CDH18: variants seen among roughly 807,000 people sequenced by gnomAD.
CDH18 encodes the protein cadherin-18.
In CDH18, 31 loss-of-function variants were observed where a neutral mutation model predicts 67.9. The observed-to-expected ratio is 0.46, with a 90% CI of 0.34 to 0.62. CDH18 has a LOEUF of 0.62. Ranked by LOEUF, CDH18 falls within the 20% of genes least tolerant of loss-of-function variation. CDH18 has a pLI of 0.01. For synonymous variants in CDH18, 362 were observed against 347.2 expected, an observed-to-expected ratio of 1.04 and a Z score of -0.48; for missense variants, 890 against 975.5, an observed-to-expected ratio of 0.91 and a Z score of 1.17.
chr5:19,474,936 C>T (rs7728177), intron 12 of CDH18, among the ~76,000 whole-genome samples: 2 of 151,934 alleles, frequency 1.3e-5, no homozygotes, highest in Non-Finnish European at 2.9e-5. Context: ...GAAATAGTTC[C>T]CTCACATCAA....
At chr5:20,049,679 A>G (rs1561747777) in intron 2 of CDH18, among the ~76,000 whole-genome samples, 2 of 151,816 alleles carry the variant, frequency 1.3e-5, no homozygotes. Context: ...TAATAGTCGT[A>G]ATAATGGATC....
intron 3 of CDH18, among the ~76,000 whole-genome samples, chr5:19,766,390 G>T (rs2149722460): frequency 6.6e-6 from 1 of 151,992 alleles, no homozygotes; most frequent in South Asian, 2.1e-4. Flanking sequence ...TTTCTTCTTA[G>T]AAGTCTCCCA....
At chr5:19,726,005 T>A (rs1766795304) in intron 4 of CDH18, among the ~76,000 whole-genome samples, 1 of 152,294 alleles carries the variant, frequency 6.6e-6, no homozygotes, top group African/African-American at 2.4e-5. Flanking sequence ...GGGCAACCAT[T>A]TCATGGAAAA....
intron 1 of CDH18, among the ~76,000 whole-genome samples, chr5:20,517,899 T>A (rs1203215771): frequency 1.3e-5 from 2 of 152,072 alleles, no homozygotes; most frequent in Admixed American, 1.3e-4. Context: ...TAGAATCAGT[T>A]GAGAGGGAAT....
chr5:20,508,071 T>C (rs1234888962), intron 1 of CDH18, among the ~76,000 whole-genome samples: 1 of 151,920 alleles, frequency 6.6e-6, no homozygotes, highest in Non-Finnish European at 1.5e-5. Context: ...AAATAGTTTC[T>C]AGTGAAATGG....
chr5:19,478,657 TA>T (rs1406462795), intron 12 of CDH18: 1 of 152,154 alleles, frequency 6.6e-6, no homozygotes. Flanking sequence ...TACCTGCTTA[TA>T]TGTAAGCTGT....
chr5:20,245,484 G>A (rs1743304863), intron 2 of CDH18, among the ~76,000 whole-genome samples: 1 of 152,076 alleles, frequency 6.6e-6, no homozygotes, highest in Admixed American at 6.6e-5. Context: ...AAACCTGAGT[G>A]TGAATGCCCA....
intron 2 of CDH18, among the ~76,000 whole-genome samples, chr5:19,853,162 G>C (rs1467783837): frequency 6.6e-6 from 1 of 152,076 alleles, no homozygotes. Flanking sequence ...GAGACTAAAA[G>C]TCCCATATCA....
chr5:20,003,037 G>C (rs1219725294), intron 2 of CDH18, among the ~76,000 whole-genome samples: 1 of 151,300 alleles, frequency 6.6e-6, no homozygotes. Flanking sequence ...AATTAATTAC[G>C]ATGTGAACCT....
intron 6 of CDH18, among the ~76,000 whole-genome samples, chr5:19,591,504 T>G (rs1463119706): frequency 6.6e-6 from 1 of 152,114 alleles, no homozygotes; most frequent in Non-Finnish European, 1.5e-5. Context: ...TCTAAACCCT[T>G]AAGCTACAGA....
intron 12 of CDH18, among the ~76,000 whole-genome samples, chr5:19,478,801 AG>A (rs1738919794): frequency 6.6e-6 from 1 of 152,198 alleles, no homozygotes; most frequent in Non-Finnish European, 1.5e-5. Context: ...GGGAAATAAA[AG>A]TCAGGCCTCT....
rs201094800 is a variant in CDH18 at position 19,620,694 on chromosome 5, C to CT, written c.644-8094dup. On this transcript the variant is annotated intron_variant, in intron 5 of 12. Transcript: ENST00000382275. Reference sequence around the variant, plus strand: ...CTAAAGATGTTTCAAACTTAGAATGCTTTTTTTTATTTTTGCTTGCATTTT... The same window carrying CT: ...CTAAAGATGTTTCAAACTTAGAATGCTTTTTTTTTATTTTTGCTTGCATTTT... Among the ~76,000 whole-genome samples, 1,169 of 151,898 alleles carry CT rather than the reference C, an allele frequency of 7.7e-3. 22 individuals are homozygous for CT. The highest frequency in any genetic ancestry group is 0.026 in the African/African-American group (1,096 of 41,446).
chr5:20,159,465 C>T (rs1357247699), intron 2 of CDH18, among the ~76,000 whole-genome samples: 1 of 152,104 alleles, frequency 6.6e-6, no homozygotes, highest in South Asian at 2.1e-4. Context: ...CATACTTACT[C>T]CAACTGAAAG....
intron 8 of CDH18, among the ~76,000 whole-genome samples, chr5:19,557,989 G>C (rs1738744159): frequency 6.6e-6 from 1 of 151,830 alleles, no homozygotes; most frequent in African/African-American, 2.4e-5. Flanking sequence ...ACTCTAAAAT[G>C]AACCCTCAAA....
At chr5:20,560,738 G>T (rs1203484311) in intron 1 of CDH18, among the ~76,000 whole-genome samples, 1 of 151,948 alleles carries the variant, frequency 6.6e-6, no homozygotes, top group Non-Finnish European at 1.5e-5. Flanking sequence ...CTTTATTGTT[G>T]TCATAGGTAC....
chr5:19,690,511 G>A (rs1219282056), intron 5 of CDH18, among the ~76,000 whole-genome samples: 6 of 151,440 alleles, frequency 4.0e-5, no homozygotes, highest in African/African-American at 7.3e-5. Context: ...TGAAAAATTT[G>A]TCTTTTAAAA....
chr5:19,479,705 C>T (rs1485135900), intron 12 of CDH18, among the ~76,000 whole-genome samples: 5 of 152,112 alleles, frequency 3.3e-5, no homozygotes, highest in Non-Finnish European at 7.4e-5. Flanking sequence ...CCATGCCTCA[C>T]TTACGGTGGC....
At chr5:20,311,512 G>A (rs1736991547) in intron 1 of CDH18, among the ~76,000 whole-genome samples, 1 of 152,100 alleles carries the variant, frequency 6.6e-6, no homozygotes, top group African/African-American at 2.4e-5. Flanking sequence ...GGATGAAGGT[G>A]GAAACCGTCC....
intron 2 of CDH18, among the ~76,000 whole-genome samples, chr5:20,070,929 A>C (rs1458364764): frequency 1.3e-5 from 2 of 152,172 alleles, no homozygotes; most frequent in Non-Finnish European, 2.9e-5. Context: ...TCATTGGCTA[A>C]TGCAATGCTA....
Sources: allele counts gnomAD v4.1 joint callset (sites outside exome capture counted in the v4.1 genomes callset), GRCh38; gene constraint gnomAD v4.1.1; transcripts MANE v1.5; gene names NCBI Gene and HGNC (gene_info 2026-07-23, HGNC 2026-07-21).